The following RTN4 variants were observed in gnomAD, a reference collection of about 807,000 sequenced individuals.
The protein encoded by RTN4 is reticulon 4, also known as reticulon-4.
A neutral mutation model predicts 90.4 loss-of-function variants in RTN4; 32 were observed. That is an observed-to-expected ratio of 0.35 (90% CI 0.27 to 0.48). The LOEUF (loss-of-function observed/expected upper bound fraction) is 0.48, where lower values mean the gene tolerates loss of function less well. Among genes scored for constraint, RTN4 ranks in the 20% least tolerant of loss-of-function variants. The pLI, the probability that RTN4 is intolerant of heterozygous loss-of-function variation, is 0.99. For missense variants in RTN4, 1,706 were observed against 1,430.2 expected (o/e 1.19, Z -3.11); for synonymous variants, 629 against 552.5 (o/e 1.14, Z -1.94).
At position 55,050,186 on chromosome 2, in the gene RTN4, C is replaced by T. The variant is rs202099851; in HGVS notation, c.115G>A (p.Glu39Lys). The stretch of plus-strand genomic sequence containing the variant: ...TCGTCCTCGTCCTCCTCTTCCTCCT[C>T]CTCTTCTTCCTCCTCGTCCTCGGGC... The part of the protein sequence containing the change: ...REPEDEEEEE[E>K]EEEEDEDEDL... The change falls in exon 1 of 9, where the codon GAG (glutamate) becomes AAG (lysine). Residue 39 changes from glutamate to lysine, a missense_variant. Coordinates refer to ENST00000337526, the MANE Select transcript of RTN4 (RefSeq NM_020532.5). The surrounding 1 kb of genome is among the most constrained non-coding windows in gnomAD (Gnocchi z 4.6). 58 of 1,570,488 alleles carry T rather than the reference C, an allele frequency of 3.7e-5. No individual in the cohort carries two copies. Among genetic ancestry groups the T allele is most frequent in the Non-Finnish European group, 4.8e-5 (56 of 1,163,690 alleles).
chr2:55,102,686 G>A (rs1667872413), intron 1 of RTN4, among the ~76,000 whole-genome samples: 1 of 151,998 alleles, frequency 6.6e-6, no homozygotes, highest in African/African-American at 2.4e-5. Flanking sequence ...TTTGGTCCTG[G>A]TATTGAAGGG....
the RTN4 span, among the ~76,000 whole-genome samples, chr2:55,134,942 T>C: frequency 1.2e-3 from 183 of 152,260 alleles, 1 homozygote; most frequent in East Asian, 0.034. Context: ...GCACTTGAAA[T>C]GTGAGTCGGA....
At chr2:55,073,839 A>T (rs1247462708) in intron 2 of RTN4, among the ~76,000 whole-genome samples, 1 of 152,208 alleles carries the variant, frequency 6.6e-6, no homozygotes, top group Non-Finnish European at 1.5e-5. Context: ...GTATAAACTT[A>T]TCCAGACCAC....
chr2:55,100,476 G>A (rs1021714424), intron 1 of RTN4, among the ~76,000 whole-genome samples: 15 of 152,076 alleles, frequency 9.9e-5, no homozygotes, highest in South Asian at 2.1e-4. Context: ...TAATTCTTTC[G>A]TCAGGTTCGA....
At chr2:55,080,902 G>A (rs984691035) in intron 1 of RTN4, among the ~76,000 whole-genome samples, 8 of 152,070 alleles carry the variant, frequency 5.3e-5, no homozygotes, top group Non-Finnish European at 8.8e-5. Context: ...TAAAGAATGC[G>A]CAATCTTTAT....
chr2:55,104,384 G>T (rs964736958), intron 1 of RTN4, among the ~76,000 whole-genome samples: 2 of 151,780 alleles, frequency 1.3e-5, no homozygotes, highest in African/African-American at 4.9e-5. Context: ...GACAAGTCTT[G>T]CTCTGTTGCC....
rs527630505 is a variant in RTN4, at chr2:55,044,891, T to C, written c.556+4854A>G. On this transcript the variant is annotated intron_variant, in intron 1 of 8. Coordinates refer to ENST00000337526, the MANE Select transcript of RTN4 (RefSeq NM_020532.5). ...TATCCATGAGGAGTATACTACTTATTCCCAACTTTTAAAAATAAGAAATGG... is the reference window on the plus strand; with the variant it reads ...TATCCATGAGGAGTATACTACTTATCCCCAACTTTTAAAAATAAGAAATGG... 1.3e-4 allele frequency among the ~76,000 whole-genome samples: 19 copies of C among 151,338 alleles called. No homozygotes were observed. The South Asian group carries it at 4.0e-3, about 32-fold the overall frequency.
intron 3 of RTN4, among the ~76,000 whole-genome samples, chr2:55,016,347 C>T (rs113064993): frequency 0.016 from 2,393 of 152,270 alleles, 59 homozygotes; most frequent in African/African-American, 0.055. Flanking sequence ...CTTTGGGAGG[C>T]CAAGGTGGGC....
In RTN4 at chr2:55,028,121, G is replaced by T. The variant is rs747321924; in HGVS notation, c.613+43C>A. On this transcript the variant is annotated intron_variant, in intron 2 of 8. Coordinates refer to ENST00000337526, the MANE Select transcript of RTN4 (RefSeq NM_020532.5). ...AGTGTTAACACACTAAAGAGTTAAAGTTAGAATACAGAGAGGATAAAAGGC... is the reference window on the plus strand; with the variant it reads ...AGTGTTAACACACTAAAGAGTTAAATTTAGAATACAGAGAGGATAAAAGGC... 6.4e-6 allele frequency: 10 copies of T among 1,562,336 alleles called. No homozygotes were observed. In the South Asian group the frequency reaches 1.1e-4, roughly 18 times the overall value.
intron 3 of RTN4, among the ~76,000 whole-genome samples, chr2:54,994,517 A>T (rs185720913): frequency 1.5e-3 from 229 of 152,326 alleles, no homozygotes; most frequent in African/African-American, 5.1e-3. Context: ...AGCATCTCAC[A>T]AACTCCAACA....
chr2:55,118,591 C>G, the RTN4 span, among the ~76,000 whole-genome samples: 49 of 150,398 alleles, frequency 3.3e-4, no homozygotes, highest in African/African-American at 1.2e-3. Context: ...TCCCTGCCCC[C>G]CAAAACACAC....
intron 2 of RTN4, among the ~76,000 whole-genome samples, chr2:55,057,058 C>T (rs974205070): frequency 3.3e-5 from 5 of 152,162 alleles, no homozygotes. Flanking sequence ...AAACACAAAA[C>T]ATAATTTTTC....
intron 5 of RTN4, among the ~76,000 whole-genome samples, chr2:54,977,500 C>G (rs2104615420): frequency 6.6e-6 from 1 of 150,986 alleles, no homozygotes; most frequent in East Asian, 2.0e-4. Flanking sequence ...AGAACCTCTG[C>G]TGAAAATACC....
At chr2:54,996,168 G>C (rs1679411524) in intron 3 of RTN4, among the ~76,000 whole-genome samples, 1 of 152,034 alleles carries the variant, frequency 6.6e-6, no homozygotes, top group Non-Finnish European at 1.5e-5. Context: ...CAAGACATAT[G>C]AACTATACAT....
At chr2:55,054,021 A>G (rs750307381), upstream of RTN4, among the ~76,000 whole-genome samples, 1 of 152,234 alleles carries the variant, frequency 6.6e-6, no homozygotes, top group Admixed American at 6.5e-5. Flanking sequence ...GTACATTATT[A>G]GGGTGATGGA....
At chr2:54,976,960 C>T (rs1413760727) in intron 5 of RTN4, among the ~76,000 whole-genome samples, 3 of 152,228 alleles carry the variant, frequency 2.0e-5, no homozygotes, top group Non-Finnish European at 2.9e-5. Flanking sequence ...CTAACAAATA[C>T]TTACTGAAAA....
chr2:55,031,265 A>T (rs1222632861), intron 1 of RTN4, among the ~76,000 whole-genome samples: 1 of 152,218 alleles, frequency 6.6e-6, no homozygotes, highest in Admixed American at 6.5e-5. Flanking sequence ...GAATCCTGAG[A>T]AAAGGGAAAC....
chr2:55,041,985 C>A (rs1440816640), intron 1 of RTN4, among the ~76,000 whole-genome samples: 1 of 151,996 alleles, frequency 6.6e-6, no homozygotes, highest in Non-Finnish European at 1.5e-5. Flanking sequence ...AGTTTCCTTA[C>A]AATGCAGATT....
chr2:54,993,407 T>G (rs1359457014), intron 3 of RTN4, among the ~76,000 whole-genome samples: 1 of 152,216 alleles, frequency 6.6e-6, no homozygotes, highest in Non-Finnish European at 1.5e-5. Flanking sequence ...ACAGTTAAAA[T>G]TCTAGCAGTA....
Sources: allele counts gnomAD v4.1 joint callset (sites outside exome capture counted in the v4.1 genomes callset), GRCh38; gene constraint gnomAD v4.1.1; non-coding constraint Gnocchi (gnomAD v3.1); transcripts MANE v1.5; gene names NCBI Gene and HGNC (gene_info 2026-07-23, HGNC 2026-07-21).